SLC24A2: variants seen among roughly 807,000 people sequenced by gnomAD.
SLC24A2 encodes sodium/potassium/calcium exchanger 2.
Under a neutral mutation model 62.0 loss-of-function variants are expected in SLC24A2, and 36 were observed. That is an observed-to-expected ratio of 0.58 (90% confidence interval 0.44 to 0.77). SLC24A2 has a LOEUF of 0.77. Among genes scored for constraint, SLC24A2 ranks in the 30% least tolerant of loss-of-function variants. The probability of loss-of-function intolerance (pLI) is 0.00; values close to 1 mark genes in which losing one functional copy is unlikely to be tolerated. For missense variants in SLC24A2, 846 were observed against 817.9 expected, an observed-to-expected ratio of 1.03 and a Z score of -0.42; for synonymous variants, 358 against 294.0, an observed-to-expected ratio of 1.22 and a Z score of -2.23.
intron 3 of SLC24A2, 51 bp from the exon 4 acceptor site, chr9:19,619,743 G>A (rs368545204): frequency 6.5e-6 from 9 of 1,374,124 alleles, no homozygotes; most frequent in Non-Finnish European, 9.4e-6. Context: ...AAAGACAAGT[G>A]CATTATAGAC....
the SLC24A2 span, among the ~76,000 whole-genome samples, chr9:20,237,279 T>C: frequency 2.0e-5 from 3 of 152,212 alleles, no homozygotes; most frequent in Admixed American, 6.5e-5. Flanking sequence ...CACCATTTAG[T>C]GAGCACCTTC....
the SLC24A2 span, among the ~76,000 whole-genome samples, chr9:20,048,389 G>A: frequency 6.6e-6 from 1 of 152,144 alleles, no homozygotes; most frequent in Non-Finnish European, 1.5e-5. Context: ...TAGAACATAT[G>A]TATGTGATCA....
intron 9 of SLC24A2, among the ~76,000 whole-genome samples, chr9:19,523,861 G>A (rs1282399582): frequency 6.6e-6 from 1 of 152,036 alleles, no homozygotes; most frequent in African/African-American, 2.4e-5. Context: ...GGCTTACTGG[G>A]GCCAATTCAC....
chr9:19,777,452 T>C (rs1822877938), intron 2 of SLC24A2, among the ~76,000 whole-genome samples: 1 of 152,226 alleles, frequency 6.6e-6, no homozygotes, highest in Non-Finnish European at 1.5e-5. Flanking sequence ...GAAATTCATG[T>C]GTAAAGCTAT....
intron 2 of SLC24A2, among the ~76,000 whole-genome samples, chr9:19,758,221 G>C (rs914435425): frequency 6.6e-6 from 1 of 152,070 alleles, no homozygotes; most frequent in Non-Finnish European, 1.5e-5. Flanking sequence ...GAACATTAAA[G>C]AAAATAACCT....
At chr9:20,202,874 T>A in the SLC24A2 span, among the ~76,000 whole-genome samples, 68 of 152,330 alleles carry the variant, frequency 4.5e-4, no homozygotes, top group African/African-American at 1.5e-3. Context: ...CCCAAAACAC[T>A]TAATTTTACT....
At chr9:19,785,850 A>T in intron 2 of SLC24A2, 87 bp downstream of exon 2, 8 of 1,549,788 alleles carry the variant, frequency 5.2e-6, no homozygotes, top group Non-Finnish European at 6.2e-6. Flanking sequence ...AAACACCATC[A>T]CATCAAAAGA....
intron 2 of SLC24A2, among the ~76,000 whole-genome samples, chr9:19,735,122 G>A (rs1429624623): frequency 1.3e-5 from 2 of 152,016 alleles, no homozygotes; most frequent in Admixed American, 1.3e-4. Context: ...CTGACAATGG[G>A]CTGATATCCA....
chr9:20,143,275 A>C, the SLC24A2 span, among the ~76,000 whole-genome samples: 1 of 152,196 alleles, frequency 6.6e-6, no homozygotes, highest in Non-Finnish European at 1.5e-5. Flanking sequence ...GAGAAATTAT[A>C]GCTACCAGCT....
the SLC24A2 span, among the ~76,000 whole-genome samples, chr9:20,232,966 C>T: frequency 6.6e-6 from 1 of 152,068 alleles, no homozygotes; most frequent in African/African-American, 2.4e-5. Context: ...TTTATTTCTG[C>T]CTTCACTTCA....
the SLC24A2 span, among the ~76,000 whole-genome samples, chr9:19,945,018 G>T: frequency 6.6e-5 from 10 of 152,256 alleles, no homozygotes; most frequent in African/African-American, 1.9e-4. Context: ...TGCATACAGA[G>T]TGGTCTTGAT....
the SLC24A2 span, among the ~76,000 whole-genome samples, chr9:19,802,176 C>CTT: frequency 6.6e-6 from 1 of 152,198 alleles, no homozygotes; most frequent in African/African-American, 2.4e-5. Flanking sequence ...ATATTTGTAG[C>CTT]TCTATGACTG....
chr9:20,138,328 G>C, the SLC24A2 span, among the ~76,000 whole-genome samples: 1 of 152,124 alleles, frequency 6.6e-6, no homozygotes, highest in South Asian at 2.1e-4. Flanking sequence ...TCCATATGTT[G>C]CTCATTCATA....
At chr9:19,789,907 G>A (rs1044101077), upstream of SLC24A2, among the ~76,000 whole-genome samples, 5 of 152,092 alleles carry the variant, frequency 3.3e-5, no homozygotes, top group African/African-American at 1.2e-4. Context: ...CATCCAAGAG[G>A]GTTTCTTCAT....
chr9:20,011,701 G>A, the SLC24A2 span, among the ~76,000 whole-genome samples: 1 of 152,108 alleles, frequency 6.6e-6, no homozygotes, highest in Non-Finnish European at 1.5e-5. Flanking sequence ...TTAGGTACAG[G>A]AAGCTCAGAG....
chr9:19,681,154 A>G (rs1044877295), intron 2 of SLC24A2, among the ~76,000 whole-genome samples: 3 of 151,948 alleles, frequency 2.0e-5, no homozygotes, highest in African/African-American at 2.4e-5. Context: ...CCTGCTTCCA[A>G]TCTTACCTCT....
intron 2 of SLC24A2, among the ~76,000 whole-genome samples, chr9:19,688,349 T>C (rs947596673): frequency 1.3e-5 from 2 of 152,176 alleles, no homozygotes; most frequent in Middle Eastern, 3.4e-3. Context: ...CCTCATTGTA[T>C]TGTGGCAAAG....
chr9:19,609,875 C>T (rs1837098291), intron 4 of SLC24A2, among the ~76,000 whole-genome samples: 1 of 152,132 alleles, frequency 6.6e-6, no homozygotes, highest in Non-Finnish European at 1.5e-5. Flanking sequence ...CAACCTAGAT[C>T]CTCACATGCA....
chr9:20,242,294 C>G, the SLC24A2 span, among the ~76,000 whole-genome samples: 93 of 152,270 alleles, frequency 6.1e-4, no homozygotes, highest in African/African-American at 2.2e-3. Flanking sequence ...AGAAATAGGG[C>G]TAAAGAAACA....
Sources: gnomAD v4.1 joint callset for allele counts (sites outside exome capture counted in the v4.1 genomes callset) on GRCh38, gnomAD v4.1.1 for gene constraint, MANE v1.5 for transcripts, NCBI Gene and HGNC (gene_info 2026-07-23, HGNC 2026-07-21) for gene names.